ASS1: variants seen among roughly 807,000 people sequenced by gnomAD.
The protein encoded by ASS1 is argininosuccinate synthase.
ASS1 carries 58 observed loss-of-function variants against 60.5 expected under a neutral mutation model. That is an observed-to-expected ratio of 0.96 (90% CI 0.78 to 1.19). ASS1 has a LOEUF of 1.19. Among genes scored for constraint, ASS1 ranks in the 50% most tolerant of loss-of-function variants. The pLI, the probability that ASS1 is intolerant of heterozygous loss-of-function variation, is 0.00. For synonymous variants in ASS1, 200 were observed against 206.9 expected, an observed-to-expected ratio of 0.97 and a Z score of 0.29; for missense variants, 454 against 547.3, an observed-to-expected ratio of 0.83 and a Z score of 1.70.
chr9:130,470,716 G>C lies in ASS1; in HGVS notation c.496-118G>C, dbSNP rs1187250102. The C allele has an allele frequency of 2.0e-6, 2 of 995,558 alleles. No individual in the cohort carries two copies. The highest frequency in any genetic ancestry group is 1.3e-5 in the South Asian group (1 of 78,644). The allele number at this position is 995,558 out of a possible 1,614,324, so 61.7% of individuals were successfully genotyped here. ...GTGACCAACACTAGGAGGTAGCCAG[G>C]GTCTTGTCTGAATGGGGGCCAGAGT... On this transcript the variant is annotated intron_variant, in intron 6 of 14. Transcript: ENST00000352480. This position sits in a 1 kb window ranked among gnomAD's most constrained non-coding sequence, Gnocchi z 4.3.
intron 6 of ASS1, among the ~76,000 whole-genome samples, chr9:130,468,320 T>A (rs913586201): frequency 6.6e-6 from 1 of 152,166 alleles, no homozygotes; most frequent in African/African-American, 2.4e-5. Context: ...ATAAAAAACA[T>A]GCATTTGCTT....
chr9:130,451,711 G>C (rs1008573862), intron 1 of ASS1: 1 of 395,484 alleles, frequency 2.5e-6, no homozygotes, highest in Non-Finnish European at 5.1e-6. Context: ...CAATAGGAAT[G>C]ACAACTCCTA....
intron 11 of ASS1, among the ~76,000 whole-genome samples, chr9:130,482,720 C>T (rs1388922574): frequency 6.6e-6 from 1 of 152,184 alleles, no homozygotes; most frequent in Non-Finnish European, 1.5e-5. Flanking sequence ...AGAATGGGGG[C>T]CTCATCCCCG....
chr9:130,460,140 G>A (rs1186560555), intron 4 of ASS1, among the ~76,000 whole-genome samples: 1 of 152,236 alleles, frequency 6.6e-6, no homozygotes, highest in Non-Finnish European at 1.5e-5. Flanking sequence ...GCTGGTCAGG[G>A]TGCTGATGGT....
At chr9:130,451,947 C>A (rs774211377) in intron 1 of ASS1, 7 of 605,602 alleles carry the variant, frequency 1.2e-5, no homozygotes, top group Admixed American at 2.1e-5. Context: ...GCTGGAGGAT[C>A]AGGTCCAAGA....
chr9:130,462,158 A>G (rs1051235286), intron 4 of ASS1, among the ~76,000 whole-genome samples: 10 of 151,204 alleles, frequency 6.6e-5, no homozygotes, highest in African/African-American at 2.4e-4. Context: ...CTCTCCCCCT[A>G]GTTTTGGAAG....
chr9:130,464,180 T>A lies in ASS1; in HGVS notation c.420+13T>A, dbSNP rs201883474. On this transcript the variant is annotated intron_variant, in intron 5 of 14. Coordinates refer to ENST00000352480, the MANE Select transcript of ASS1 (RefSeq NM_054012.4). ...CCCCCAGATAAAGGTAGGATGTGGC[T>A]CCTCCCCTTAGCAGGGAGCACTAGC... 1.2e-6 allele frequency: 2 copies of A among 1,613,748 alleles called. No homozygotes were observed. The highest frequency in any genetic ancestry group is 1.7e-6 in the Non-Finnish European group (2 of 1,179,800).
At chr9:130,495,430 TAC>T (rs1207000958) in intron 13 of ASS1, among the ~76,000 whole-genome samples, 51 of 147,394 alleles carry the variant, frequency 3.5e-4, no homozygotes, top group African/African-American at 1.2e-3. Context: ...AAAATATATA[TAC>T]ACACACACAT....
chr9:130,467,967 T>C (rs1845786102), intron 6 of ASS1, among the ~76,000 whole-genome samples: 1 of 152,124 alleles, frequency 6.6e-6, no homozygotes, highest in African/African-American at 2.4e-5. Flanking sequence ...CTTCTCAGGT[T>C]TTGAGGAGAA....
In ASS1 at chr9:130,464,725, A is replaced by G. The variant is rs552704347; in HGVS notation, c.420+558A>G. ...GCCCGTGGCATGTCACCCAGGCAGGAGGGCACCTGTGGGTATTGCCCAGAC... is the reference window on the plus strand; with the variant it reads ...GCCCGTGGCATGTCACCCAGGCAGGGGGGCACCTGTGGGTATTGCCCAGAC... On this transcript the variant is annotated intron_variant, in intron 5 of 14. Transcript: ENST00000352480. Among the ~76,000 whole-genome samples, 3 of 152,206 alleles carry G rather than the reference A, an allele frequency of 2.0e-5. No homozygotes were observed. The South Asian group carries it at 6.2e-4, about 32-fold the overall frequency.
At chr9:130,452,177 C>A in intron 1 of ASS1, 47 bp from the exon 2 acceptor site, 1 of 1,524,964 alleles carries the variant, frequency 6.6e-7, no homozygotes, top group Non-Finnish European at 9.0e-7. Flanking sequence ...TGGCGGGGGG[C>A]ACTGGCTGTC....
intron 12 of ASS1, among the ~76,000 whole-genome samples, chr9:130,490,417 G>A (rs1462884614): frequency 6.6e-6 from 1 of 152,078 alleles, no homozygotes; most frequent in Non-Finnish European, 1.5e-5. Flanking sequence ...TGGTTCAAGC[G>A]ATTCTCCTGC....
intron 12 of ASS1, among the ~76,000 whole-genome samples, chr9:130,492,311 C>T (rs919929271): frequency 1.3e-5 from 2 of 152,140 alleles, no homozygotes; most frequent in African/African-American, 4.8e-5. Context: ...TTCCCAGTCC[C>T]GTCTAGCTCC....
intron 1 of ASS1, chr9:130,450,365 C>T: frequency 1.0e-6 from 1 of 983,722 alleles, no homozygotes; most frequent in Non-Finnish European, 1.2e-6. Flanking sequence ...CCCTGCCTGC[C>T]TTCCTCCCTC....
At chr9:130,448,403 C>T (rs539961265) in intron 1 of ASS1, among the ~76,000 whole-genome samples, 26 of 137,194 alleles carry the variant, frequency 1.9e-4, no homozygotes, top group African/African-American at 6.7e-4. Flanking sequence ...CCCCTGGGTG[C>T]ACACAGGTGT....
intron 12 of ASS1, among the ~76,000 whole-genome samples, chr9:130,490,947 G>A (rs1373426303): frequency 6.6e-6 from 1 of 152,120 alleles, no homozygotes; most frequent in South Asian, 2.1e-4. Context: ...TCACATCTTC[G>A]GGGGCCTGGA....
chr9:130,452,303 G>A lies in ASS1; in HGVS notation c.75G>A (p.Lys25=), dbSNP rs1845346515. The change falls in exon 2 of 15, where the codon AAG becomes AAA. Residue 25 remains lysine (K), a synonymous_variant. Coordinates refer to ENST00000352480, the MANE Select transcript of ASS1 (RefSeq NM_054012.4). ...LDTSCILVWL[K]EQGYDVIAYL... The stretch of plus-strand genomic sequence containing the variant: ...CCTCGTGCATCCTCGTGTGGCTGAA[G>A]GAACAAGGCTATGACGTCATTGCCT... The A allele has an allele frequency of 6.2e-7, 1 of 1,614,186 alleles. No individual in the cohort carries two copies. The highest frequency in any genetic ancestry group is 8.5e-7 in the Non-Finnish European group (1 of 1,180,014).
At chr9:130,469,040 C>T (rs554738411) in intron 6 of ASS1, among the ~76,000 whole-genome samples, 2 of 152,354 alleles carry the variant, frequency 1.3e-5, no homozygotes, top group African/African-American at 2.4e-5. Flanking sequence ...GGACGGAGGT[C>T]CGCTGAGAAG....
At chr9:130,465,314 C>G (rs909000150) in intron 5 of ASS1, among the ~76,000 whole-genome samples, 3 of 151,892 alleles carry the variant, frequency 2.0e-5, no homozygotes, top group African/African-American at 7.3e-5. Flanking sequence ...CCACTGCACC[C>G]GGCTGTAGTA....
Sources: allele counts gnomAD v4.1 joint callset (sites outside exome capture counted in the v4.1 genomes callset), GRCh38; gene constraint gnomAD v4.1.1; non-coding constraint Gnocchi (gnomAD v3.1); transcripts MANE v1.5; gene names NCBI Gene and HGNC (gene_info 2026-07-23, HGNC 2026-07-21).